Variants in SPMIP2 observed in about 807,000 individuals in gnomAD.
SPMIP2 encodes sperm microtubule inner protein 2.
the SPMIP2 span, among the ~76,000 whole-genome samples, chr4:158,929,723 A>C: frequency 6.6e-6 from 1 of 152,196 alleles, no homozygotes; most frequent in African/African-American, 2.4e-5. Context: ...TTTTAGACAA[A>C]TTACATTTTT....
the SPMIP2 span, among the ~76,000 whole-genome samples, chr4:159,022,312 T>C: frequency 6.6e-6 from 1 of 152,250 alleles, no homozygotes; most frequent in Non-Finnish European, 1.5e-5. Context: ...AGAAAACATA[T>C]TCCATTTTTA....
chr4:159,025,206 A>G, the SPMIP2 span, among the ~76,000 whole-genome samples: 1 of 152,114 alleles, frequency 6.6e-6, no homozygotes, highest in Non-Finnish European at 1.5e-5. Flanking sequence ...GCTCTGTCGC[A>G]CAGGCTGGAG....
At chr4:159,007,486 A>G in the SPMIP2 span, 2 of 737,954 alleles carry the variant, frequency 2.7e-6, no homozygotes, top group Non-Finnish European at 4.8e-6. Context: ...TAGTGATCAC[A>G]GGGATCCAGC....
the SPMIP2 span, among the ~76,000 whole-genome samples, chr4:158,952,570 A>T: frequency 2.0e-5 from 3 of 152,222 alleles, no homozygotes; most frequent in Admixed American, 2.0e-4. Context: ...AATTGGTACC[A>T]GGAGTGGGGT....
the SPMIP2 span, among the ~76,000 whole-genome samples, chr4:158,910,501 G>A: frequency 1.6e-4 from 24 of 152,050 alleles, no homozygotes; most frequent in Non-Finnish European, 2.4e-4. Flanking sequence ...TTGAACTCCC[G>A]ACCTCAGATG....
the SPMIP2 span, among the ~76,000 whole-genome samples, chr4:159,055,891 G>C: frequency 1.3e-5 from 2 of 152,084 alleles, no homozygotes; most frequent in Non-Finnish European, 2.9e-5. Flanking sequence ...TAAAGCAAAG[G>C]ATAAAGAAAG....
chr4:158,915,727 G>T, the SPMIP2 span, among the ~76,000 whole-genome samples: 1 of 152,294 alleles, frequency 6.6e-6, no homozygotes, highest in South Asian at 2.1e-4. Flanking sequence ...TATCCATTTT[G>T]AGGTCTCATG....
At chr4:159,073,724 G>A in the SPMIP2 span, among the ~76,000 whole-genome samples, 13 of 152,090 alleles carry the variant, frequency 8.5e-5, no homozygotes, top group Non-Finnish European at 1.6e-4. Flanking sequence ...AATTCTGGCC[G>A]GACATGGTGG....
At chr4:159,041,321 C>T in the SPMIP2 span, among the ~76,000 whole-genome samples, 190 of 152,266 alleles carry the variant, frequency 1.2e-3, no homozygotes, top group African/African-American at 4.3e-3. Flanking sequence ...AAAATAAATA[C>T]ACAAAACATT....
chr4:158,953,157 T>C, the SPMIP2 span, among the ~76,000 whole-genome samples: 6 of 152,190 alleles, frequency 3.9e-5, no homozygotes, highest in African/African-American at 1.4e-4. Flanking sequence ...CCAGGGCATA[T>C]CAGAGGTCTT....
chr4:158,952,044 C>T, the SPMIP2 span, among the ~76,000 whole-genome samples: 21,105 of 152,072 alleles, frequency 0.14, 3,000 homozygotes, highest in African/African-American at 0.37. Flanking sequence ...CTGGGGTAAT[C>T]TGGGATTGCT....
At chr4:159,018,471 C>G in the SPMIP2 span, among the ~76,000 whole-genome samples, 3 of 152,180 alleles carry the variant, frequency 2.0e-5, no homozygotes, top group Non-Finnish European at 2.9e-5. Flanking sequence ...ATGTTGTTTT[C>G]TAGTTTGCAC....
chr4:158,974,444 G>A, the SPMIP2 span, among the ~76,000 whole-genome samples: 104 of 152,206 alleles, frequency 6.8e-4, 1 homozygote, highest in Middle Eastern at 3.4e-3. Context: ...TTCTCCCAAT[G>A]CTATCCATCC....
the SPMIP2 span, among the ~76,000 whole-genome samples, chr4:158,914,192 A>T: frequency 6.6e-6 from 1 of 152,222 alleles, no homozygotes; most frequent in Non-Finnish European, 1.5e-5. Context: ...CCTCCTCCAC[A>T]CACACTGCAA....
the SPMIP2 span, among the ~76,000 whole-genome samples, chr4:158,896,339 C>T: frequency 2.0e-5 from 3 of 152,106 alleles, no homozygotes; most frequent in Non-Finnish European, 4.4e-5. Flanking sequence ...GCTTTCCTTC[C>T]TTTATTATAA....
the SPMIP2 span, among the ~76,000 whole-genome samples, chr4:158,926,647 GGTAAA>G: frequency 6.6e-6 from 1 of 152,048 alleles, no homozygotes; most frequent in Non-Finnish European, 1.5e-5. Flanking sequence ...GTTGTCATAA[GGTAAA>G]GTATCCTATA....
At chr4:158,914,793 A>G in the SPMIP2 span, among the ~76,000 whole-genome samples, 1 of 152,332 alleles carries the variant, frequency 6.6e-6, no homozygotes, top group Admixed American at 6.5e-5. Flanking sequence ...CTAGAATTCA[A>G]ACGGGTATAA....
chr4:158,979,789 GTTTTTTTT>G, the SPMIP2 span, among the ~76,000 whole-genome samples: 3 of 104,510 alleles, frequency 2.9e-5, no homozygotes, highest in African/African-American at 4.2e-5. Flanking sequence ...AGTTGCAAGA[GTTTTTTTT>G]TTTTTTTTTT....
chr4:159,072,108 G>T, the SPMIP2 span, among the ~76,000 whole-genome samples: 3 of 152,212 alleles, frequency 2.0e-5, no homozygotes, highest in East Asian at 5.8e-4. Context: ...GGCCCAAGGA[G>T]TTTGAGACCA....
Sources: allele counts gnomAD v4.1 joint callset (sites outside exome capture counted in the v4.1 genomes callset), GRCh38; gene constraint gnomAD v4.1.1; transcripts MANE v1.5; gene names NCBI Gene and HGNC (gene_info 2026-07-23, HGNC 2026-07-21).